THAP2: variants seen among roughly 807,000 people sequenced by gnomAD.
The protein encoded by THAP2 is THAP domain containing 2.
In THAP2, 16 loss-of-function variants were observed where a neutral mutation model predicts 18.8. The ratio of observed to expected loss-of-function variants is 0.85; its 90% confidence interval spans 0.58 to 1.29. THAP2 has a LOEUF of 1.29. Ranked by LOEUF, THAP2 falls within the 50% of genes most tolerant of loss-of-function variation. THAP2 has a pLI of 0.00. For missense variants in THAP2, 251 were observed against 265.3 expected (o/e 0.95, Z 0.38); for synonymous variants, 80 against 89.2 (o/e 0.90, Z 0.58).
At chr12:71,671,047 A>G (rs998866247) in intron 1 of THAP2, among the ~76,000 whole-genome samples, 2 of 151,838 alleles carry the variant, frequency 1.3e-5, no homozygotes, top group Non-Finnish European at 2.9e-5. Context: ...TAGGCTGAGG[A>G]GGAGGAGGAA....
chr12:71,664,360 A>C lies in THAP2; in HGVS notation c.-150A>C. On this transcript the variant is annotated 5_prime_UTR_variant, in exon 1 of 3. Transcript: ENST00000308086. ...GACCGTCCTTCGCCTCCGCCCCCAC[A>C]TACACACCCCTTCTTCCCACTCCGC... 1.1e-6 allele frequency: 1 copy of C among 873,750 alleles called. No homozygotes were observed. The highest frequency in any genetic ancestry group is 2.5e-5 in the East Asian group (1 of 39,534). 54.1% of individuals were successfully genotyped at this position (873,750 alleles called of 1,614,324 possible). A position where few individuals can be genotyped will look rare whatever the true frequency, so the allele number is the denominator to read the frequency against.
intron 2 of THAP2, among the ~76,000 whole-genome samples, chr12:71,676,415 T>C (rs1157366213): frequency 1.3e-5 from 2 of 152,086 alleles, no homozygotes; most frequent in East Asian, 3.8e-4. Context: ...GTCAATAATT[T>C]GGAAGAAACC....
Position 71,664,356 on chromosome 12 carries a change from C to T in THAP2, c.-154C>T, listed in dbSNP as rs1018969991. 28 of 818,300 alleles carry T rather than the reference C, an allele frequency of 3.4e-5. No homozygotes were observed. The highest frequency in any genetic ancestry group is 1.2e-4 in the African/African-American group (7 of 58,564). 50.7% of individuals were successfully genotyped at this position (818,300 alleles called of 1,614,324 possible). On this transcript the variant is annotated 5_prime_UTR_variant, in exon 1 of 3. Transcript: ENST00000308086. ...GGCTGACCGTCCTTCGCCTCCGCCC[C>T]CACATACACACCCCTTCTTCCCACT...
At chr12:71,670,714 G>A (rs1207055068) in intron 1 of THAP2, among the ~76,000 whole-genome samples, 1 of 152,108 alleles carries the variant, frequency 6.6e-6, no homozygotes, top group Non-Finnish European at 1.5e-5. Context: ...CGAAGCAGGT[G>A]GGTCACCTGA....
rs17110155 is a variant in THAP2 at position 71,676,930 on chromosome 12, C to T, written c.509C>T (p.Thr170Met). 4.8e-3 allele frequency: 7,678 copies of T among 1,613,682 alleles called. 341 individuals are homozygous for T. The African/African-American group carries it at 0.089, about 19-fold the overall frequency. Residue 170 changes from threonine (T) to methionine (M), a missense_variant, in exon 3 of 3, where the codon ACG (threonine) becomes ATG (methionine). By Grantham distance (81) the Thr-to-Met change is moderately conservative. Coordinates refer to ENST00000308086, the MANE Select transcript of THAP2 (RefSeq NM_031435.4). ...GCAACTCGAAGATGGATCAAAGCCA[C>T]GTGTTTGGTAAAGAATTTAGAAGCA... ...RRATRRWIKA[T>M]CLVKNLEANS...
At chr12:71,664,641 T>G in intron 1 of THAP2, 61 bp downstream of exon 1, 7 of 1,580,574 alleles carry the variant, frequency 4.4e-6, no homozygotes, top group Non-Finnish European at 6.1e-6. Flanking sequence ...CTATCGCTTG[T>G]GTGGAAGGAA....
rs1379363770 is a variant in THAP2 at position 71,678,286 on chromosome 12, C to T, written c.*1178C>T. The stretch of plus-strand genomic sequence containing the variant: ...CTCCAGCCTGGGCAATGGAGTGAGA[C>T]TCCTGTCTCTAAAACAGCAACAACA... On this transcript the variant is annotated 3_prime_UTR_variant, in exon 3 of 3. Transcript: ENST00000308086. 6.6e-6 allele frequency: 1 copy of T among 152,524 alleles called. No homozygotes were observed. Among genetic ancestry groups the T allele is most frequent in the African/African-American group, 2.4e-5 (1 of 41,408 alleles). The allele number at this position is 152,524 out of a possible 1,614,324, so 9.4% of individuals were successfully genotyped here.
intron 1 of THAP2, among the ~76,000 whole-genome samples, chr12:71,670,853 C>T (rs919064303): frequency 6.7e-5 from 10 of 148,716 alleles, no homozygotes; most frequent in African/African-American, 2.5e-4. Flanking sequence ...GCAGGAGAAT[C>T]ACTTAAACCT....
At chr12:71,665,822 C>T (rs1274600908) in intron 1 of THAP2, 1 of 152,200 alleles carries the variant, frequency 6.6e-6, no homozygotes, top group African/African-American at 2.4e-5. Context: ...ATTGAAAAGT[C>T]CTCTGGCTGC....
chr12:71,676,682 G>T lies in THAP2; in HGVS notation c.268-7G>T. 6.4e-7 allele frequency: 1 copy of T among 1,563,554 alleles called. No homozygotes were observed. Among genetic ancestry groups the T allele is most frequent in the Non-Finnish European group, 8.6e-7 (1 of 1,159,230 alleles). ...TATGTTCAACCCTCTAATTTTATTCGGCTCAGAAACTCAAGTCAAGGAATC... is the reference window on the plus strand; with the variant it reads ...TATGTTCAACCCTCTAATTTTATTCTGCTCAGAAACTCAAGTCAAGGAATC... On this transcript the variant is annotated splice_polypyrimidine_tract_variant and splice_region_variant and intron_variant, in intron 2 of 2. Coordinates refer to ENST00000308086, the MANE Select transcript of THAP2 (RefSeq NM_031435.4).
Position 71,664,363 on chromosome 12 carries a change from C to T in THAP2, c.-147C>T. ...CGTCCTTCGCCTCCGCCCCCACATA[C>T]ACACCCCTTCTTCCCACTCCGCTCT... is the stretch of plus-strand genomic sequence containing the variant. On this transcript the variant is annotated 5_prime_UTR_variant, in exon 1 of 3. Coordinates refer to ENST00000308086, the MANE Select transcript of THAP2 (RefSeq NM_031435.4). 5 of 897,008 alleles carry T rather than the reference C, an allele frequency of 5.6e-6. No homozygotes were observed. Among genetic ancestry groups the T allele is most frequent in the East Asian group, 2.5e-5 (1 of 39,882 alleles). The allele number at this position is 897,008 out of a possible 1,614,324, so 55.6% of individuals were successfully genotyped here. A position where few individuals can be genotyped will look rare whatever the true frequency, so the allele number is the denominator to read the frequency against.
At position 71,674,318 on chromosome 12, in the gene THAP2, G is replaced by A. The variant is rs1881488411; in HGVS notation, c.187G>A (p.Asp63Asn). 1 of 1,612,950 alleles carries A rather than the reference G, an allele frequency of 6.2e-7. No homozygotes were observed. Among genetic ancestry groups the A allele is most frequent in the Non-Finnish European group, 8.5e-7 (1 of 1,179,442 alleles). ...AAAGCACTTTGAAGCCTCCTGTTTTGACCTAACAGGACAAACTCGACGACT... is the reference window on the plus strand; with the variant it reads ...AAAGCACTTTGAAGCCTCCTGTTTTAACCTAACAGGACAAACTCGACGACT... ...CSKHFEASCFDLTGQTRRLKM... is the reference protein window; with the variant it reads ...CSKHFEASCFNLTGQTRRLKM... The change falls in exon 2 of 3, where the codon GAC becomes AAC. Residue 63 changes from aspartate (D) to asparagine (N), a missense_variant. Transcript: ENST00000308086.
chr12:71,676,569 A>C, intron 2 of THAP2, 120 bp from the exon 3 acceptor site: 2 of 1,019,958 alleles, frequency 2.0e-6, no homozygotes, highest in Non-Finnish European at 2.8e-6. Context: ...TTTCCTATTA[A>C]AGTTTTAAAA....
chr12:71,664,805 C>A, intron 1 of THAP2: 3 of 710,028 alleles, frequency 4.2e-6, no homozygotes, highest in Non-Finnish European at 7.6e-6. Context: ...TTGGTCATTA[C>A]CCCTTAGTAA....
Position 71,677,306 on chromosome 12 carries a change from T to G in THAP2, c.*198T>G, listed in dbSNP as rs1881537523. 2.2e-6 allele frequency: 1 copy of G among 460,392 alleles called. No homozygotes were observed. The highest frequency in any genetic ancestry group is 6.9e-5 in the South Asian group (1 of 14,532). 28.5% of individuals were successfully genotyped at this position (460,392 alleles called of 1,614,324 possible). ...TGAAAATGAGTGGAAGTGCCTTACA[T>G]TAGAATTACGGACTTAAAAATTTTG... On this transcript the variant is annotated 3_prime_UTR_variant, in exon 3 of 3. Coordinates refer to ENST00000308086, the MANE Select transcript of THAP2 (RefSeq NM_031435.4).
rs1458235528 is a variant in THAP2, at chr12:71,678,885, TTAAG to T, written c.*1780_*1783del. The T allele has an allele frequency of 1.3e-5, 2 of 152,186 alleles. No individual in the cohort carries two copies. Among genetic ancestry groups the T allele is most frequent in the Non-Finnish European group, 2.9e-5 (2 of 67,998 alleles). The allele number at this position is 152,186 out of a possible 1,614,324, so 9.4% of individuals were successfully genotyped here. On this transcript the variant is annotated 3_prime_UTR_variant, in exon 3 of 3. Coordinates refer to ENST00000308086, the MANE Select transcript of THAP2 (RefSeq NM_031435.4). ...TCTTGCTAGTTATTTTATCTTTATC[TTAAG>T]TATTAGATGTAGTTCCTTGGAATTG...
In THAP2 at chr12:71,677,054, A is replaced by G; in HGVS notation, c.633A>G (p.Gln211=). Residue 211 remains glutamine (Q), a synonymous_variant, in exon 3 of 3, where the codon CAA becomes CAG. Transcript: ENST00000308086. ...EDFKILEQDQ[Q]DKTLLSLNLK... ...TTAAGATCCTTGAACAAGATCAACA[A>G]GATAAAACACTGCTAAGTCTAAATC... is the stretch of plus-strand genomic sequence containing the variant. The G allele has an allele frequency of 2.5e-6, 4 of 1,612,762 alleles. No homozygotes were observed. Among genetic ancestry groups the G allele is most frequent in the Non-Finnish European group, 3.4e-6 (4 of 1,179,286 alleles).
intron 1 of THAP2, 196 bp downstream of exon 1, chr12:71,664,776 A>G (rs1565837558): frequency 4.1e-6 from 3 of 733,888 alleles, no homozygotes; most frequent in Non-Finnish European, 7.2e-6. Context: ...TCATTTTCTA[A>G]AAGAAATCCA....
At position 71,664,470 on chromosome 12, in the gene THAP2, C is replaced by T. The variant is rs1881288461; in HGVS notation, c.-40C>T. ...GAAGAAAGCTTAGCAGCCAGCGCCTCAGTAGAGACCTAAGGGCGCTGAATG... is the reference window on the plus strand; with the variant it reads ...GAAGAAAGCTTAGCAGCCAGCGCCTTAGTAGAGACCTAAGGGCGCTGAATG... On this transcript the variant is annotated 5_prime_UTR_variant, in exon 1 of 3. Coordinates refer to ENST00000308086, the MANE Select transcript of THAP2 (RefSeq NM_031435.4). The T allele has an allele frequency of 6.2e-7, 1 of 1,612,516 alleles. No individual in the cohort carries two copies. The highest frequency in any genetic ancestry group is 1.1e-5 in the South Asian group (1 of 91,044).
Sources: allele counts gnomAD v4.1 joint callset (sites outside exome capture counted in the v4.1 genomes callset), GRCh38; gene constraint gnomAD v4.1.1; transcripts MANE v1.5; gene names NCBI Gene and HGNC (gene_info 2026-07-23, HGNC 2026-07-21).